PDE4D: variants seen among roughly 807,000 people sequenced by gnomAD.
PDE4D encodes phosphodiesterase 4D.
A neutral mutation model predicts 87.4 loss-of-function variants in PDE4D; 24 were observed. The observed-to-expected ratio is 0.27, with a 90% CI of 0.20 to 0.39. The LOEUF is 0.39. PDE4D is among the 10% of genes least tolerant of loss of function. The pLI, the probability that PDE4D is intolerant of heterozygous loss-of-function variation, is 1.00. For synonymous variants in PDE4D, 384 were observed against 383.2 expected (o/e 1.00, Z -0.02); for missense variants, 714 against 1,041.0 (o/e 0.69, Z 4.32).
At chr5:59,974,559 T>C (rs1761109840) in intron 3 of PDE4D, among the ~76,000 whole-genome samples, 1 of 152,154 alleles carries the variant, frequency 6.6e-6, no homozygotes, top group African/African-American at 2.4e-5. Context: ...AAGGACACCA[T>C]TGCAGACCTA....
At chr5:59,096,888 C>T (rs986293458) in intron 5 of PDE4D, among the ~76,000 whole-genome samples, 2 of 152,104 alleles carry the variant, frequency 1.3e-5, no homozygotes, top group African/African-American at 4.8e-5. Context: ...AGAAGAGATA[C>T]ATCCACAAGG....
rs1743264948 is a variant in PDE4D, at chr5:58,974,692, A to G, written c.2402T>C (p.Val801Ala). 1 of 1,603,094 alleles carries G rather than the reference A, an allele frequency of 6.2e-7. No homozygotes were observed. The highest frequency in any genetic ancestry group is 1.1e-5 in the South Asian group (1 of 90,046). The stretch of plus-strand genomic sequence containing the variant: ...CGTGTCAGGAGAACGATCATCTATG[A>G]CACAGGCTTCAGGCTGGCTTTCCTC... ...EEEESQPEACVIDDRSPDT is the reference protein window; with the variant it reads ...EEEESQPEACAIDDRSPDT The change falls in exon 15 of 15, where the codon GTC becomes GCC. Residue 801 changes from valine (V) to alanine (A), a missense_variant. Coordinates refer to ENST00000340635, the MANE Select transcript of PDE4D (RefSeq NM_001104631.2).
chr5:59,947,128 G>C (rs1757804240), intron 3 of PDE4D, among the ~76,000 whole-genome samples: 1 of 152,188 alleles, frequency 6.6e-6, no homozygotes, highest in African/African-American at 2.4e-5. Flanking sequence ...AAGGAGTGTT[G>C]CATGCCAGCA....
intron 1 of PDE4D, among the ~76,000 whole-genome samples, chr5:59,530,908 G>A (rs2153679429): frequency 6.6e-6 from 1 of 152,236 alleles, no homozygotes; most frequent in African/African-American, 2.4e-5. Context: ...TTGAGTAGAT[G>A]GTCCAAAAAG....
intron 7 of PDE4D, among the ~76,000 whole-genome samples, chr5:58,992,564 TGATA>T (rs1324262019): frequency 6.6e-6 from 1 of 152,144 alleles, no homozygotes; most frequent in Non-Finnish European, 1.5e-5. Context: ...TATTTCTGTA[TGATA>T]GTGAGATAAG....
chr5:60,156,856 C>T (rs11958619), intron 2 of PDE4D, among the ~76,000 whole-genome samples: 27 of 152,096 alleles, frequency 1.8e-4, no homozygotes, highest in Admixed American at 1.7e-3. Context: ...ACTCATGATG[C>T]TTATATAATA....
In PDE4D at chr5:59,392,931, A is replaced by G. The variant is rs373272920; in HGVS notation, c.456-176963T>C. ...ATCTGCTGTCGAAGTCCTGGCATGA[A>G]TGGATGAGGACCTATGTGATGTGAA... On this transcript the variant is annotated intron_variant, in intron 1 of 14. Transcript: ENST00000340635. 2.9e-4 allele frequency among the ~76,000 whole-genome samples: 44 copies of G among 152,302 alleles called. No homozygotes were observed. The South Asian group carries it at 4.6e-3, about 16-fold the overall frequency.
At chr5:59,702,696 T>A (rs1175345753) in intron 1 of PDE4D, among the ~76,000 whole-genome samples, 3 of 150,984 alleles carry the variant, frequency 2.0e-5, no homozygotes, top group African/African-American at 7.3e-5. Context: ...TGGCGAAACC[T>A]CATCTCTACA....
At chr5:60,306,801 G>A (rs1025293377) in intron 1 of PDE4D, among the ~76,000 whole-genome samples, 9 of 151,806 alleles carry the variant, frequency 5.9e-5, no homozygotes, top group African/African-American at 7.3e-5. Context: ...AATCGAAACC[G>A]GAACATAGGA....
chr5:59,507,762 C>T (rs920850797), intron 1 of PDE4D, among the ~76,000 whole-genome samples: 1 of 151,412 alleles, frequency 6.6e-6, no homozygotes, highest in Admixed American at 6.6e-5. Context: ...AGAACACACT[C>T]TCTTTGGTAA....
At chr5:59,916,358 TTTTAACCAG>T (rs1203829570) in intron 3 of PDE4D, among the ~76,000 whole-genome samples, 5 of 152,226 alleles carry the variant, frequency 3.3e-5, no homozygotes, top group African/African-American at 1.2e-4. Context: ...CCTTGACATA[TTTTAACCAG>T]TAGCTTTATT....
At chr5:59,819,337 T>A (rs1209311801) in intron 1 of PDE4D, among the ~76,000 whole-genome samples, 3 of 152,178 alleles carry the variant, frequency 2.0e-5, no homozygotes, top group Non-Finnish European at 4.4e-5. Flanking sequence ...TATCTAGCAG[T>A]TATCTGGCAG....
intron 1 of PDE4D, among the ~76,000 whole-genome samples, chr5:59,638,156 T>C (rs1288520398): frequency 4.6e-5 from 7 of 152,084 alleles, no homozygotes; most frequent in Admixed American, 4.6e-4. Context: ...TGAGAAGGGA[T>C]TAGGTCTAAT....
intron 1 of PDE4D, among the ~76,000 whole-genome samples, chr5:59,510,994 T>C (rs921596682): frequency 2.0e-5 from 3 of 151,914 alleles, no homozygotes; most frequent in African/African-American, 7.2e-5. Flanking sequence ...CAAGACAAAA[T>C]AAAATAAGAT....
chr5:59,549,276 A>T (rs1817741723), intron 1 of PDE4D, among the ~76,000 whole-genome samples: 1 of 152,182 alleles, frequency 6.6e-6, no homozygotes, highest in South Asian at 2.1e-4. Context: ...TTAAGTGTTC[A>T]ACAGCAAATT....
chr5:60,416,976 G>A (rs921612857), intron 1 of PDE4D, among the ~76,000 whole-genome samples: 4 of 152,154 alleles, frequency 2.6e-5, no homozygotes, highest in Admixed American at 6.5e-5. Context: ...CACACTGTGC[G>A]ATTCCATCTA....
intron 1 of PDE4D, among the ~76,000 whole-genome samples, chr5:59,742,320 TC>T (rs1758974186): frequency 6.6e-6 from 1 of 152,198 alleles, no homozygotes; most frequent in South Asian, 2.1e-4. Context: ...TGCCTTGGCC[TC>T]CCAAAGTGCT....
intron 2 of PDE4D, among the ~76,000 whole-genome samples, chr5:60,173,646 A>G (rs1783670478): frequency 6.6e-6 from 1 of 152,114 alleles, no homozygotes; most frequent in Admixed American, 6.6e-5. Flanking sequence ...AGAAGTTGTG[A>G]AAAGACATAG....
At chr5:59,324,198 T>G (rs1270404557) in intron 1 of PDE4D, among the ~76,000 whole-genome samples, 1 of 152,188 alleles carries the variant, frequency 6.6e-6, no homozygotes, top group Admixed American at 6.5e-5. Context: ...CCTTCTTGCG[T>G]GTTCCTACAG....
Sources: gnomAD v4.1 joint callset for allele counts (sites outside exome capture counted in the v4.1 genomes callset) on GRCh38, gnomAD v4.1.1 for gene constraint, MANE v1.5 for transcripts, NCBI Gene and HGNC (gene_info 2026-07-23, HGNC 2026-07-21) for gene names.